Variants in PTDSS2 observed in about 807,000 individuals in gnomAD.
The protein encoded by PTDSS2 is phosphatidylserine synthase 2.
In PTDSS2, 41 loss-of-function variants were observed where a neutral mutation model predicts 64.7. The ratio of observed to expected loss-of-function variants is 0.63; its 90% CI spans 0.49 to 0.82. The LOEUF (loss-of-function observed/expected upper bound fraction) is 0.82, where lower values mean the gene tolerates loss of function less well. PTDSS2 is among the 40% of genes least tolerant of loss of function. The pLI, the probability that PTDSS2 is intolerant of heterozygous loss-of-function variation, is 0.00. For missense variants in PTDSS2, 485 were observed against 650.0 expected, an observed-to-expected ratio of 0.75 and a Z score of 2.76; for synonymous variants, 297 against 277.8, an observed-to-expected ratio of 1.07 and a Z score of -0.69.
chr11:475,883 G>C (rs879586386), intron 3 of PTDSS2, among the ~76,000 whole-genome samples: 1 of 152,146 alleles, frequency 6.6e-6, no homozygotes, highest in Non-Finnish European at 1.5e-5. Context: ...ATTTTTTCAC[G>C]TATGCTCTGT....
intron 3 of PTDSS2, among the ~76,000 whole-genome samples, chr11:478,626 C>T (rs905638296): frequency 2.0e-5 from 3 of 152,038 alleles, no homozygotes; most frequent in Non-Finnish European, 2.9e-5. Flanking sequence ...CACCTGTGAG[C>T]CCAGCTACTC....
At chr11:466,231 C>A (rs1396140052) in intron 2 of PTDSS2, among the ~76,000 whole-genome samples, 1 of 151,828 alleles carries the variant, frequency 6.6e-6, no homozygotes, top group Admixed American at 6.6e-5. Flanking sequence ...AAAGAAATAC[C>A]CAAGACTGGG....
chr11:455,471 C>T (rs1564959256), intron 1 of PTDSS2, among the ~76,000 whole-genome samples: 1 of 152,164 alleles, frequency 6.6e-6, no homozygotes, highest in Admixed American at 6.5e-5. Context: ...GTGCTGTGGG[C>T]CCTTGGCGGG....
chr11:466,771 G>T (rs1215066075), intron 2 of PTDSS2, among the ~76,000 whole-genome samples: 1 of 152,122 alleles, frequency 6.6e-6, no homozygotes, highest in African/African-American at 2.4e-5. Context: ...AGAACAGCAT[G>T]GGGGAACCGC....
chr11:466,271 TCA>T (rs1847136438), intron 2 of PTDSS2, among the ~76,000 whole-genome samples: 1 of 152,058 alleles, frequency 6.6e-6, no homozygotes, highest in Admixed American at 6.5e-5. Flanking sequence ...GTTCATCGAC[TCA>T]CAGTTCCGAA....
At chr11:448,814 A>G (rs1172384173), upstream of PTDSS2, among the ~76,000 whole-genome samples, 1 of 152,250 alleles carries the variant, frequency 6.6e-6, no homozygotes, top group Non-Finnish European at 1.5e-5. Context: ...CAGTTCACCC[A>G]TTCAACTCGT....
At chr11:453,029 C>T (rs1401486777) in intron 1 of PTDSS2, among the ~76,000 whole-genome samples, 1 of 152,124 alleles carries the variant, frequency 6.6e-6, no homozygotes, top group Non-Finnish European at 1.5e-5. Flanking sequence ...CCACATCCAG[C>T]CAGGGCGTTC....
intron 1 of PTDSS2, among the ~76,000 whole-genome samples, chr11:456,334 C>T (rs1406319260): frequency 2.0e-5 from 3 of 149,588 alleles, no homozygotes; most frequent in Non-Finnish European, 4.5e-5. Flanking sequence ...GCCACCACAT[C>T]CAGTTAATTT....
Position 479,157 on chromosome 11 carries a change from G to A in PTDSS2, c.435+5G>A. ...CTCATCTTTATACTCTTCCAGGTAA[G>A]CTGTTTTTCTGGGTTGGATACCTGG... On this transcript the variant is annotated splice_donor_5th_base_variant and intron_variant, in intron 4 of 11. Coordinates refer to ENST00000308020, the MANE Select transcript of PTDSS2 (RefSeq NM_030783.3). The surrounding 1 kb of genome is among the most constrained non-coding windows in gnomAD (Gnocchi z 4.2). 1 of 1,613,122 alleles carries A rather than the reference G, an allele frequency of 6.2e-7. No homozygotes were observed. The highest frequency in any genetic ancestry group is 8.5e-7 in the Non-Finnish European group (1 of 1,179,038).
In PTDSS2 at chr11:452,477, C is replaced by T. The variant is rs531835964; in HGVS notation, c.182+1840C>T. Among the ~76,000 whole-genome samples, 7 of 152,344 alleles carry T rather than the reference C, an allele frequency of 4.6e-5. No individual in the cohort carries two copies. The East Asian group carries it at 9.7e-4, about 21-fold the overall frequency. On this transcript the variant is annotated intron_variant, in intron 1 of 11. Transcript: ENST00000308020. ...CTCTTTAGAAGCCCAGACCAGTGGT[C>T]CCTGCCCACAAGGGGTGTTTGGGAC...
At position 491,273 on chromosome 11, in the gene PTDSS2, A is replaced by C. The variant is rs1422642921; in HGVS notation, c.*691A>C. 2 of 152,346 alleles carry C rather than the reference A, an allele frequency of 1.3e-5. No homozygotes were observed. 9.4% of individuals were successfully genotyped at this position (152,346 alleles called of 1,614,324 possible). Reference sequence around the variant, plus strand: ...GTCAGAGATCACTGAGCTGCCCCTCAAGGGGGCCTGGAACCCGGGTGCTGG... The same window carrying C: ...GTCAGAGATCACTGAGCTGCCCCTCCAGGGGGCCTGGAACCCGGGTGCTGG... On this transcript the variant is annotated 3_prime_UTR_variant, in exon 12 of 12. Coordinates refer to ENST00000308020, the MANE Select transcript of PTDSS2 (RefSeq NM_030783.3).
At position 461,508 on chromosome 11, in the gene PTDSS2, C is replaced by G. The variant is rs1372548365; in HGVS notation, c.284+1220C>G. Among the ~76,000 whole-genome samples the G allele has an allele frequency of 1.3e-5, 2 of 152,150 alleles. No homozygotes were observed. The highest frequency in any genetic ancestry group is 2.9e-5 in the Non-Finnish European group (2 of 68,026). Reference sequence around the variant, plus strand: ...CCTGCTCCCCAGATGAGCTCACCCTCCATCCTCACCTGGGAGGCGCAGGTG... The same window carrying G: ...CCTGCTCCCCAGATGAGCTCACCCTGCATCCTCACCTGGGAGGCGCAGGTG... On this transcript the variant is annotated intron_variant, in intron 2 of 11. Transcript: ENST00000308020. The surrounding 1 kb of genome is among the most constrained non-coding windows in gnomAD (Gnocchi z 4.2).
At chr11:484,426 C>A (rs1848203743) in intron 4 of PTDSS2, among the ~76,000 whole-genome samples, 1 of 152,230 alleles carries the variant, frequency 6.6e-6, no homozygotes, top group Non-Finnish European at 1.5e-5. Flanking sequence ...GCTGCGTGGT[C>A]CTGGGTGCCA....
chr11:467,204 A>G (rs1300209403), intron 2 of PTDSS2, among the ~76,000 whole-genome samples: 1 of 152,064 alleles, frequency 6.6e-6, no homozygotes, highest in East Asian at 1.9e-4. Context: ...AACAAAGCAA[A>G]ACCTGGGTGA....
chr11:485,211 C>T (rs562223471), intron 4 of PTDSS2, among the ~76,000 whole-genome samples: 13 of 136,288 alleles, frequency 9.5e-5, no homozygotes, highest in Non-Finnish European at 1.5e-4. Context: ...CGCGTGTGTG[C>T]TCACTGTGCG....
chr11:473,743 G>A, intron 2 of PTDSS2, 152 bp from the exon 3 acceptor site: 1 of 664,356 alleles, frequency 1.5e-6, no homozygotes, highest in Non-Finnish European at 2.7e-6. Flanking sequence ...TTTCCCCGCG[G>A]CGGAGTCGCC....
intron 10 of PTDSS2, 23 bp from the exon 11 acceptor site, chr11:489,860 T>C (rs1355070754): frequency 2.6e-6 from 4 of 1,562,276 alleles, no homozygotes; most frequent in Non-Finnish European, 3.5e-6. Context: ...CCCGGGACGC[T>C]GAACCCCCTG....
intron 2 of PTDSS2, among the ~76,000 whole-genome samples, chr11:465,758 C>G (rs567574530): frequency 3.3e-5 from 5 of 150,852 alleles, no homozygotes; most frequent in African/African-American, 9.8e-5. Context: ...GGACCACCCC[C>G]CCCCCATCTC....
At chr11:455,533 G>A (rs918136322) in intron 1 of PTDSS2, among the ~76,000 whole-genome samples, 2 of 152,174 alleles carry the variant, frequency 1.3e-5, no homozygotes, top group Non-Finnish European at 1.5e-5. Flanking sequence ...AGGTGACCTC[G>A]TCAGGAAGCC....
Sources: gnomAD v4.1 joint callset for allele counts (sites outside exome capture counted in the v4.1 genomes callset) on GRCh38, gnomAD v4.1.1 for gene constraint, Gnocchi (gnomAD v3.1) non-coding constraint, MANE v1.5 for transcripts, NCBI Gene and HGNC (gene_info 2026-07-23, HGNC 2026-07-21) for gene names.